CRIPT: variants seen among roughly 807,000 people sequenced by gnomAD.
The protein encoded by CRIPT is CXXC repeat containing interactor of PDZ3 domain, also known as cysteine-rich PDZ-binding protein.
A neutral mutation model predicts 16.6 loss-of-function variants in CRIPT; 20 were observed. That is an observed-to-expected ratio of 1.20 (90% CI 0.85 to 1.75). The LOEUF (loss-of-function observed/expected upper bound fraction) is 1.75. Among genes scored for constraint, CRIPT ranks in the 40% most tolerant of loss-of-function variants. CRIPT has a pLI of 0.00. For missense variants in CRIPT, 133 were observed against 115.3 expected, an observed-to-expected ratio of 1.15 and a Z score of -0.70; for synonymous variants, 42 against 37.0, an observed-to-expected ratio of 1.14 and a Z score of -0.49.
chr2:46,622,234 G>C (rs921990151), intron 3 of CRIPT, among the ~76,000 whole-genome samples: 2 of 152,008 alleles, frequency 1.3e-5, no homozygotes, highest in Non-Finnish European at 2.9e-5. Flanking sequence ...GCCGGGCGTG[G>C]TGGCGGTCAC....
chr2:46,621,067 C>G (rs375152230), intron 3 of CRIPT, among the ~76,000 whole-genome samples: 2 of 152,194 alleles, frequency 1.3e-5, no homozygotes, highest in African/African-American at 4.8e-5. Flanking sequence ...TTATTTCTTA[C>G]TTGGAACTGT....
In CRIPT at chr2:46,624,178, G is replaced by T; in HGVS notation, c.257G>T (p.Cys86Phe). The change falls in exon 5 of 5, where the codon TGT becomes TTT. Residue 86 changes from cysteine (C) to phenylalanine (F), a missense_variant. Physicochemically the swap from Cys to Phe is radical, Grantham distance 205. Transcript: ENST00000238892. ...CAYKKGICAM[C>F]GKKVLDTKNY... is the part of the protein sequence containing the mutation. ...TTTGTTTCAGGCATCTGTGCGATGT[G>T]TGGAAAAAAGGTTTTGGATACCAAA... 1 of 1,582,586 alleles carries T rather than the reference G, an allele frequency of 6.3e-7. No homozygotes were observed. The highest frequency in any genetic ancestry group is 8.6e-7 in the Non-Finnish European group (1 of 1,161,062).
chr2:46,619,604 A>C (rs765392067), intron 2 of CRIPT, 23 bp from the exon 3 acceptor site: 1 of 1,568,736 alleles, frequency 6.4e-7, no homozygotes, highest in South Asian at 1.1e-5. Context: ...TAACCCACTA[A>C]AATATCTTTT....
chr2:46,623,685 T>C lies in CRIPT; in HGVS notation c.138-79T>C, dbSNP rs2104174105. 4 of 736,510 alleles carry C rather than the reference T, an allele frequency of 5.4e-6. 1 individual carries two copies. The South Asian group carries it at 6.6e-5, about 12-fold the overall frequency. 45.6% of individuals were successfully genotyped at this position (736,510 alleles called of 1,614,324 possible). On this transcript the variant is annotated intron_variant, in intron 3 of 4. Transcript: ENST00000238892. ...AGGGATGGAGAGCATGGATTAATCC[T>C]GTGTGTTGCGTAAGTGGGGTTATTT...
At position 46,627,218 on chromosome 2, in the gene CRIPT, G is replaced by GAAT. The variant is rs1274662032; in HGVS notation, c.*2993_*2995dup. 6.6e-6 allele frequency among the ~76,000 whole-genome samples: 1 copy of GAAT among 152,112 alleles called. No individual in the cohort carries two copies. The highest frequency in any genetic ancestry group is 1.5e-5 in the Non-Finnish European group (1 of 68,018). Reference sequence around the variant, plus strand: ...GACCTTTTTCAGATGCACAGTTTGTGAATATTCTCTCCCATTCTGTAGGTT... The same window carrying GAAT: ...GACCTTTTTCAGATGCACAGTTTGTGAATAATATTCTCTCCCATTCTGTAGGTT... On this transcript the variant is annotated 3_prime_UTR_variant, in exon 5 of 5. Transcript: ENST00000238892.
At chr2:46,621,494 A>G (rs1670803155) in intron 3 of CRIPT, among the ~76,000 whole-genome samples, 1 of 152,184 alleles carries the variant, frequency 6.6e-6, no homozygotes, top group Non-Finnish European at 1.5e-5. Flanking sequence ...TCTCTGCCTT[A>G]GTATCCTGTT....
rs1205725656 is a variant in CRIPT at position 46,626,615 on chromosome 2, C to A, written c.*2388C>A. Among the ~76,000 whole-genome samples, 1 of 152,196 alleles carries A rather than the reference C, an allele frequency of 6.6e-6. No individual in the cohort carries two copies. Among genetic ancestry groups the A allele is most frequent in the Non-Finnish European group, 1.5e-5 (1 of 68,048 alleles). ...TTGAAGCATTCCGTTTTTCCCACAG[C>A]CTCACCAGCATCTGTTATTTTTTTG... On this transcript the variant is annotated 3_prime_UTR_variant, in exon 5 of 5. Coordinates refer to ENST00000238892, the MANE Select transcript of CRIPT (RefSeq NM_014171.6).
intron 3 of CRIPT, among the ~76,000 whole-genome samples, chr2:46,620,499 C>T (rs774247763): frequency 1.3e-5 from 2 of 151,810 alleles, no homozygotes; most frequent in African/African-American, 2.4e-5. Flanking sequence ...TTCTTTGCTC[C>T]CCTTCACATC....
At chr2:46,624,086 T>TAAA in intron 4 of CRIPT, 77 bp from the exon 5 acceptor site, 1 of 890,076 alleles carries the variant, frequency 1.1e-6, no homozygotes, top group East Asian at 2.9e-5. Flanking sequence ...TTAAATTATG[T>TAAA]TTTAAGCTTC....
At position 46,623,826 on chromosome 2, in the gene CRIPT, A is replaced by G. The variant is rs745465203; in HGVS notation, c.200A>G (p.Gln67Arg). Residue 67 changes from glutamine to arginine, a missense_variant, in exon 4 of 5, where the codon CAA (glutamine) becomes CGA (arginine). Transcript: ENST00000238892. The part of the protein sequence containing the change: ...TCRICKSSVH[Q>R]PGSHYCQGCA... The stretch of plus-strand genomic sequence containing the variant: ...AGAATTTGTAAAAGTTCTGTGCACC[A>G]ACCAGGTTCTCATTACTGCCAGGGC... 1 of 1,611,020 alleles carries G rather than the reference A, an allele frequency of 6.2e-7. No individual in the cohort carries two copies. The highest frequency in any genetic ancestry group is 8.5e-7 in the Non-Finnish European group (1 of 1,178,332).
intron 3 of CRIPT, 30 bp downstream of exon 3, chr2:46,619,711 A>T (rs201002935): frequency 6.4e-7 from 1 of 1,561,432 alleles, no homozygotes; most frequent in East Asian, 2.3e-5. Flanking sequence ...GATGGGTCAC[A>T]TAAATTTCCT....
chr2:46,628,368 C>T lies in CRIPT; in HGVS notation c.*4141C>T, dbSNP rs1268837100. ...GTTGTGATCCACCCGCCTCAGCCTC[C>T]CAAAGTGCTGGGATTACAGGCGTGA... On this transcript the variant is annotated 3_prime_UTR_variant, in exon 5 of 5. Coordinates refer to ENST00000238892, the MANE Select transcript of CRIPT (RefSeq NM_014171.6). Among the ~76,000 whole-genome samples, 1 of 152,138 alleles carries T rather than the reference C, an allele frequency of 6.6e-6. No individual in the cohort carries two copies. Among genetic ancestry groups the T allele is most frequent in the Non-Finnish European group, 1.5e-5 (1 of 68,026 alleles).
intron 2 of CRIPT, 125 bp downstream of exon 2, chr2:46,618,963 G>C: frequency 1.7e-6 from 1 of 582,874 alleles, no homozygotes; most frequent in Non-Finnish European, 3.0e-6. Context: ...AAACATTAAA[G>C]AATACTGGGT....
chr2:46,619,497 C>T, intron 2 of CRIPT, 130 bp from the exon 3 acceptor site: 1 of 562,440 alleles, frequency 1.8e-6, no homozygotes, highest in Non-Finnish European at 3.1e-6. Context: ...ATCTTAATAA[C>T]CTATTAAATG....
Position 46,618,824 on chromosome 2 carries a change from C to G in CRIPT, c.68C>G (p.Ala23Gly). Residue 23 changes from alanine to glycine, a missense_variant, in exon 2 of 5, where the codon GCT becomes GGT. Ala to Gly is a moderately conservative substitution (Grantham distance 60). Transcript: ENST00000238892. ...ACTCCAGATACATGGAAAGATGGTG[C>G]TAGGAATACCACAGGTATTTCTTCT... ...VITPDTWKDG[A>G]RNTTESGGRK... 6.2e-7 allele frequency: 1 copy of G among 1,601,252 alleles called. No individual in the cohort carries two copies. The highest frequency in any genetic ancestry group is 8.5e-7 in the Non-Finnish European group (1 of 1,171,028).
Position 46,629,601 on chromosome 2 carries a change from T to G in CRIPT, c.*5374T>G, listed in dbSNP as rs531468044. Among the ~76,000 whole-genome samples, 1 of 152,180 alleles carries G rather than the reference T, an allele frequency of 6.6e-6. No homozygotes were observed. The highest frequency in any genetic ancestry group is 2.4e-5 in the African/African-American group (1 of 41,510). On this transcript the variant is annotated 3_prime_UTR_variant, in exon 5 of 5. Transcript: ENST00000238892. ...AGGATAGAGTATCCTTCTATTTGGGTTTTTCTGATGTTTCCTCATGGTTAG... is the reference window on the plus strand; with the variant it reads ...AGGATAGAGTATCCTTCTATTTGGGGTTTTCTGATGTTTCCTCATGGTTAG...
Position 46,619,701 on chromosome 2 carries a change from G to A in CRIPT, c.137+20G>A, listed in dbSNP as rs73926535. On this transcript the variant is annotated intron_variant, in intron 3 of 4. Transcript: ENST00000238892. ...AGCAAGGTGGGTAAGAGGATCCATC[G>A]ATGGGTCACATAAATTTCCTTCTTT... 1,152 of 1,589,988 alleles carry A rather than the reference G, an allele frequency of 7.2e-4. 9 individuals carry two copies. The African/African-American group carries it at 0.014, about 19-fold the overall frequency.
chr2:46,620,221 G>C (rs1670766607), intron 3 of CRIPT, among the ~76,000 whole-genome samples: 1 of 152,184 alleles, frequency 6.6e-6, no homozygotes, highest in Non-Finnish European at 1.5e-5. Context: ...AGCCAAGGCA[G>C]ACAGATTATC....
At chr2:46,620,038 C>T (rs1397189053) in intron 3 of CRIPT, among the ~76,000 whole-genome samples, 1 of 152,174 alleles carries the variant, frequency 6.6e-6, no homozygotes, top group African/African-American at 2.4e-5. Context: ...AGCCTTATGA[C>T]CTTAAGCAAG....
Sources: gnomAD v4.1 joint callset for allele counts (sites outside exome capture counted in the v4.1 genomes callset) on GRCh38, gnomAD v4.1.1 for gene constraint, MANE v1.5 for transcripts, NCBI Gene and HGNC (gene_info 2026-07-23, HGNC 2026-07-21) for gene names.